Variants in MITF observed in about 807,000 individuals in gnomAD.
The protein encoded by MITF is melanocyte inducing transcription factor.
A neutral mutation model predicts 60.5 loss-of-function variants in MITF; 17 were observed. The observed-to-expected ratio is 0.28, with a 90% CI of 0.19 to 0.42. MITF has a LOEUF of 0.42. Among genes scored for constraint, MITF ranks in the 10% least tolerant of loss-of-function variants. MITF has a pLI of 1.00. For missense variants in MITF, 622 were observed against 683.5 expected, an observed-to-expected ratio of 0.91 and a Z score of 1.00; for synonymous variants, 260 against 248.5, an observed-to-expected ratio of 1.05 and a Z score of -0.43.
intron 2 of MITF, among the ~76,000 whole-genome samples, chr3:69,897,468 GACAA>G (rs984738670): frequency 1.3e-5 from 2 of 152,164 alleles, no homozygotes; most frequent in African/African-American, 2.4e-5. Flanking sequence ...ATTGGGAGTT[GACAA>G]ACAATGTCCA....
chr3:69,807,895 CTGTT>C (rs1437323269), intron 1 of MITF, among the ~76,000 whole-genome samples: 2 of 151,946 alleles, frequency 1.3e-5, no homozygotes, highest in African/African-American at 4.8e-5. Context: ...TTTGATGACT[CTGTT>C]TGTTTAGCAG....
intron 1 of MITF, among the ~76,000 whole-genome samples, chr3:69,845,793 G>A (rs984259752): frequency 1.3e-5 from 2 of 152,140 alleles, no homozygotes; most frequent in African/African-American, 4.8e-5. Flanking sequence ...TGATCCTGCT[G>A]TCAAAACATG....
intron 1 of MITF, among the ~76,000 whole-genome samples, chr3:69,865,577 T>C (rs532127013): frequency 6.6e-6 from 1 of 152,338 alleles, no homozygotes; most frequent in African/African-American, 2.4e-5. Context: ...ATACACAGTT[T>C]ATGGCCTAAC....
At chr3:69,901,461 C>G (rs1483448346) in intron 2 of MITF, among the ~76,000 whole-genome samples, 1 of 152,054 alleles carries the variant, frequency 6.6e-6, no homozygotes, top group Non-Finnish European at 1.5e-5. Context: ...GCCCTGTCAC[C>G]CTGACTCTAT....
At chr3:69,763,640 T>C (rs947670302) in intron 1 of MITF, 39 of 1,234,586 alleles carry the variant, frequency 3.2e-5, no homozygotes, top group Middle Eastern at 4.4e-4. Flanking sequence ...TAATCTCCTT[T>C]CTGAGACGGT....
At position 69,951,808 on chromosome 3, in the gene MITF, A is replaced by G; in HGVS notation, c.881-4A>G. The G allele has an allele frequency of 2.5e-6, 4 of 1,612,812 alleles. No homozygotes were observed. Among genetic ancestry groups the G allele is most frequent in the South Asian group, 1.1e-5 (1 of 91,042 alleles). ...ACTTCTAATGACTTCATTCACGTGC[A>G]CAGCGTGTATTTTTCCCACAGAGTC... On this transcript the variant is annotated splice_region_variant and splice_polypyrimidine_tract_variant and intron_variant, in intron 6 of 9. Coordinates refer to ENST00000352241, the MANE Select transcript of MITF (RefSeq NM_001354604.2).
intron 2 of MITF, among the ~76,000 whole-genome samples, chr3:69,893,130 T>A (rs1029066861): frequency 6.6e-6 from 1 of 152,200 alleles, no homozygotes; most frequent in African/African-American, 2.4e-5. Flanking sequence ...ATGATACTGA[T>A]TGCCTTCTCA....
Position 69,964,989 on chromosome 3 carries a change from A to C in MITF, c.1322A>C (p.Asp441Ala). The C allele has an allele frequency of 6.2e-7, 1 of 1,614,094 alleles. No individual in the cohort carries two copies. The highest frequency in any genetic ancestry group is 8.5e-7 in the Non-Finnish European group (1 of 1,180,010). ...CSQDLLQHHA[D>A]LTCTTTLDLT... is the part of the protein sequence containing the mutation. ...CAAGACCTCCTTCAGCATCATGCAG[A>C]CCTAACCTGTACAACAACTCTCGAT... The change falls in exon 10 of 10, where the codon GAC becomes GCC. Residue 441 changes from aspartate to alanine, a missense_variant. Transcript: ENST00000352241.
chr3:69,821,606 T>C (rs1317658226), intron 1 of MITF, among the ~76,000 whole-genome samples: 1 of 144,980 alleles, frequency 6.9e-6, no homozygotes, highest in Non-Finnish European at 1.5e-5. Flanking sequence ...TAGACCTAGA[T>C]TTAAAAAAAA....
At chr3:69,773,144 C>T (rs1445117705) in intron 1 of MITF, among the ~76,000 whole-genome samples, 1 of 152,088 alleles carries the variant, frequency 6.6e-6, no homozygotes, top group South Asian at 2.1e-4. Context: ...GGGCAAAGCA[C>T]AGCAGACAGA....
chr3:69,862,430 T>G (rs142274764), intron 1 of MITF, among the ~76,000 whole-genome samples: 1 of 152,220 alleles, frequency 6.6e-6, no homozygotes, highest in East Asian at 1.9e-4. Flanking sequence ...GTGGGGCTAT[T>G]GAGTAGAAGT....
At chr3:69,760,537 G>T (rs1048230646) in intron 1 of MITF, among the ~76,000 whole-genome samples, 1 of 152,178 alleles carries the variant, frequency 6.6e-6, no homozygotes, top group Admixed American at 6.5e-5. Flanking sequence ...TGCAAATCAA[G>T]GTACAGGTTA....
At chr3:69,843,161 T>C (rs1412882932) in intron 1 of MITF, among the ~76,000 whole-genome samples, 1 of 152,198 alleles carries the variant, frequency 6.6e-6, no homozygotes, top group Non-Finnish European at 1.5e-5. Flanking sequence ...AATGCTGCTA[T>C]GAAAAACCAA....
intron 7 of MITF, among the ~76,000 whole-genome samples, chr3:69,953,627 G>GTATATATATA (rs1487334358): frequency 4.9e-4 from 61 of 123,480 alleles, no homozygotes; most frequent in African/African-American, 2.0e-3. Flanking sequence ...ATATATATGT[G>GTATATATATA]TGTATATATA....
intron 1 of MITF, among the ~76,000 whole-genome samples, chr3:69,872,590 G>T (rs935176931): frequency 6.6e-6 from 1 of 152,044 alleles, no homozygotes; most frequent in East Asian, 1.9e-4. Flanking sequence ...CTGCACCCAG[G>T]TTGTCATTTT....
intron 2 of MITF, among the ~76,000 whole-genome samples, chr3:69,897,652 A>G (rs1017714738): frequency 3.9e-5 from 6 of 152,184 alleles, no homozygotes; most frequent in Admixed American, 1.3e-4. Context: ...CTGGACATTT[A>G]TAGAGAAAGT....
intron 1 of MITF, among the ~76,000 whole-genome samples, chr3:69,874,372 C>T (rs924466988): frequency 3.3e-5 from 5 of 152,144 alleles, no homozygotes. Context: ...AAAGTAGATT[C>T]CTTGTATCCA....
At chr3:69,897,960 A>G (rs2064913567) in intron 2 of MITF, among the ~76,000 whole-genome samples, 1 of 152,242 alleles carries the variant, frequency 6.6e-6, no homozygotes, top group Non-Finnish European at 1.5e-5. Flanking sequence ...AAATATATTT[A>G]TTGAGTGCCA....
At chr3:69,930,825 T>C (rs971966590) in intron 2 of MITF, among the ~76,000 whole-genome samples, 6 of 152,252 alleles carry the variant, frequency 3.9e-5, no homozygotes, top group Non-Finnish European at 8.8e-5. Context: ...CTCCAGTGAT[T>C]TGTGTACACA....
Sources: allele counts gnomAD v4.1 joint callset (sites outside exome capture counted in the v4.1 genomes callset), GRCh38; gene constraint gnomAD v4.1.1; transcripts MANE v1.5; gene names NCBI Gene and HGNC (gene_info 2026-07-23, HGNC 2026-07-21).